Variants in JMJD1C observed in about 807,000 individuals in gnomAD.
JMJD1C encodes jumonji domain containing 1C, also known as jumonji domain-containing protein 1C.
In JMJD1C, 31 loss-of-function variants were observed where a neutral mutation model predicts 245.3. The observed-to-expected ratio is 0.13, with a 90% confidence interval of 0.09 to 0.17. The LOEUF (loss-of-function observed/expected upper bound fraction) is 0.17. Among genes scored for constraint, JMJD1C ranks in the 10% least tolerant of loss-of-function variants. The pLI is 1.00. For missense variants in JMJD1C, 2,691 were observed against 3,000.2 expected, an observed-to-expected ratio of 0.90 and a Z score of 2.41; for synonymous variants, 1,057 against 1,017.4, an observed-to-expected ratio of 1.04 and a Z score of -0.74.
rs564655265 is a variant in JMJD1C, at chr10:63,306,125, T to G, written c.334-41361A>C. ...TTAATTTTCAGAGTGAGTCTTGCTC[T>G]GTTGCCCAGGCTGGAGTGCACTGGT... On this transcript the variant is annotated intron_variant, in intron 2 of 25. Coordinates refer to ENST00000399262, the MANE Select transcript of JMJD1C (RefSeq NM_032776.3). Among the ~76,000 whole-genome samples the G allele has an allele frequency of 3.3e-5, 5 of 152,276 alleles. No homozygotes were observed. The South Asian group carries it at 1.0e-3, about 32-fold the overall frequency.
intron 1 of JMJD1C, 134 bp downstream of exon 1, chr10:63,465,361 C>A: frequency 1.1e-6 from 1 of 947,596 alleles, no homozygotes. Flanking sequence ...GGCAAACGCG[C>A]CAAGGGTTCA....
At chr10:63,505,640 T>C (rs1954695108) in intron 1 of JMJD1C, among the ~76,000 whole-genome samples, 1 of 151,980 alleles carries the variant, frequency 6.6e-6, no homozygotes. Flanking sequence ...GAGATTCTGA[T>C]TTAGTTGGTC....
At chr10:63,418,730 G>A (rs1003660930) in intron 1 of JMJD1C, among the ~76,000 whole-genome samples, 1 of 151,234 alleles carries the variant, frequency 6.6e-6, no homozygotes, top group Non-Finnish European at 1.5e-5. Context: ...TGTGGGGGGG[G>A]TTTCTGCTTC....
chr10:63,469,910 T>C (rs1281715977), upstream of JMJD1C, among the ~76,000 whole-genome samples: 2 of 152,186 alleles, frequency 1.3e-5, no homozygotes, highest in Admixed American at 6.5e-5. Flanking sequence ...CATTTTTTTA[T>C]TAAACCTTAA....
intron 1 of JMJD1C, among the ~76,000 whole-genome samples, chr10:63,498,346 A>G (rs1954425819): frequency 6.6e-6 from 1 of 152,184 alleles, no homozygotes; most frequent in Non-Finnish European, 1.5e-5. Context: ...GCTTCAGATA[A>G]GCTTTACATA....
intron 24 of JMJD1C, among the ~76,000 whole-genome samples, chr10:63,173,153 C>T (rs985948371): frequency 6.6e-6 from 1 of 152,022 alleles, no homozygotes; most frequent in African/African-American, 2.4e-5. Context: ...TTATGTATTA[C>T]ATTTTCAAAA....
At chr10:63,290,609 T>C (rs1224426677) in intron 2 of JMJD1C, among the ~76,000 whole-genome samples, 1 of 152,058 alleles carries the variant, frequency 6.6e-6, no homozygotes, top group Non-Finnish European at 1.5e-5. Flanking sequence ...GAAGCGATAA[T>C]ATAGGGAAAA....
intron 2 of JMJD1C, among the ~76,000 whole-genome samples, chr10:63,277,474 T>A (rs572032906): frequency 1.3e-5 from 2 of 152,312 alleles, no homozygotes; most frequent in East Asian, 3.9e-4. Context: ...AAAGTAGATC[T>A]CCTTTATAGA....
intron 2 of JMJD1C, among the ~76,000 whole-genome samples, chr10:63,277,731 CTTTTTTTTTTTTT>C (rs35442695): frequency 9.3e-5 from 6 of 64,262 alleles, no homozygotes; most frequent in African/African-American, 3.5e-4. Context: ...ATTTGCATTT[CTTTTTTTTTTTTT>C]TTTTTTTTTT....
At chr10:63,411,157 C>T (rs1452283251) in intron 1 of JMJD1C, among the ~76,000 whole-genome samples, 2 of 152,084 alleles carry the variant, frequency 1.3e-5, no homozygotes, top group African/African-American at 2.4e-5. Flanking sequence ...AGTTCAACAA[C>T]AGGAAAATCT....
At chr10:63,420,678 T>A (rs528991718) in intron 1 of JMJD1C, among the ~76,000 whole-genome samples, 1 of 144,430 alleles carries the variant, frequency 6.9e-6, no homozygotes, top group African/African-American at 2.5e-5. Flanking sequence ...TGAGCCATCT[T>A]TGCCCCAGCC....
At chr10:63,411,458 C>A (rs1812270182) in intron 1 of JMJD1C, among the ~76,000 whole-genome samples, 1 of 151,968 alleles carries the variant, frequency 6.6e-6, no homozygotes, top group Admixed American at 6.6e-5. Context: ...ACCACCATGT[C>A]CGGCTAATTT....
At chr10:63,242,924 G>C (rs1339280383) in intron 3 of JMJD1C, among the ~76,000 whole-genome samples, 1 of 151,254 alleles carries the variant, frequency 6.6e-6, no homozygotes, top group Non-Finnish European at 1.5e-5. Context: ...CTATTTTATA[G>C]ATAAAAATAA....
chr10:63,480,045 T>A (rs1421744774), intron 1 of JMJD1C, among the ~76,000 whole-genome samples: 1 of 152,228 alleles, frequency 6.6e-6, no homozygotes, highest in African/African-American at 2.4e-5. Context: ...TACTCTAGAA[T>A]ACCATTACAA....
At chr10:63,251,425 G>A (rs978741632) in intron 3 of JMJD1C, among the ~76,000 whole-genome samples, 13 of 152,124 alleles carry the variant, frequency 8.5e-5, no homozygotes, top group African/African-American at 2.7e-4. Context: ...TCCTATTTAA[G>A]TGCAAATGTG....
chr10:63,447,914 G>A (rs952529253), intron 1 of JMJD1C, among the ~76,000 whole-genome samples: 1 of 151,906 alleles, frequency 6.6e-6, no homozygotes, highest in African/African-American at 2.4e-5. Flanking sequence ...ACTCCAGCCT[G>A]GGTGATGGAG....
chr10:63,240,192 TAA>T (rs1851306212), intron 3 of JMJD1C, among the ~76,000 whole-genome samples: 1 of 152,038 alleles, frequency 6.6e-6, no homozygotes, highest in South Asian at 2.1e-4. Context: ...GACAGGGTTT[TAA>T]AAGACAGTGG....
intron 2 of JMJD1C, among the ~76,000 whole-genome samples, chr10:63,284,350 T>C (rs1324885272): frequency 6.6e-6 from 1 of 152,140 alleles, no homozygotes; most frequent in Non-Finnish European, 1.5e-5. Flanking sequence ...ATCCTTCTTT[T>C]ACAGTGGTGA....
intron 12 of JMJD1C, 117 bp downstream of exon 12, chr10:63,198,396 T>C: frequency 1.5e-6 from 1 of 673,634 alleles, no homozygotes; most frequent in Non-Finnish European, 2.6e-6. Flanking sequence ...AAAGGTATCA[T>C]TATCATAATT....
Sources: allele counts gnomAD v4.1 joint callset (sites outside exome capture counted in the v4.1 genomes callset), GRCh38; gene constraint gnomAD v4.1.1; transcripts MANE v1.5; gene names NCBI Gene and HGNC (gene_info 2026-07-23, HGNC 2026-07-21).